Variants in PON2 observed in about 807,000 individuals in gnomAD.
PON2 encodes serum paraoxonase/arylesterase 2.
In PON2, 27 loss-of-function variants were observed where a neutral mutation model predicts 36.6. The observed-to-expected ratio is 0.74, with a 90% CI of 0.54 to 1.02. PON2 has a LOEUF of 1.02. Ranked by LOEUF, PON2 falls within the 50% of genes least tolerant of loss-of-function variation. PON2 has a pLI of 0.00. For synonymous variants in PON2, 149 were observed against 156.3 expected, an observed-to-expected ratio of 0.95 and a Z score of 0.35; for missense variants, 363 against 421.1, an observed-to-expected ratio of 0.86 and a Z score of 1.21.
At chr7:95,421,061 C>T (rs1294448606) in intron 2 of PON2, among the ~76,000 whole-genome samples, 3 of 152,188 alleles carry the variant, frequency 2.0e-5, no homozygotes, top group Non-Finnish European at 2.9e-5. Flanking sequence ...TCATCCTCTC[C>T]GCTCTGTTGC....
Position 95,411,719 on chromosome 7 carries a change from A to C in PON2, c.428T>G (p.Phe143Cys). 6.2e-7 allele frequency: 1 copy of C among 1,613,806 alleles called. No individual in the cohort carries two copies. Among genetic ancestry groups the C allele is most frequent in the Non-Finnish European group, 8.5e-7 (1 of 1,179,768 alleles). The change falls in exon 5 of 9, where the codon TTT becomes TGT. Residue 143 changes from phenylalanine (F) to cysteine (C), a missense_variant. Physicochemically the swap from Phe to Cys is radical, Grantham distance 205. Transcript: ENST00000222572. ...AGAATTTTCTGCTTCTTCAAATTTAAAAATTTCCACTGTATTCTTGAATTC... is the reference window on the plus strand; with the variant it reads ...AGAATTTTCTGCTTCTTCAAATTTACAAATTTCCACTGTATTCTTGAATTC... ...HPEFKNTVEI[F>C]KFEEAENSLL...
chr7:95,433,882 A>G (rs959871119), intron 1 of PON2, among the ~76,000 whole-genome samples: 12 of 152,194 alleles, frequency 7.9e-5, no homozygotes, highest in Middle Eastern at 3.2e-3. Context: ...CTTTAAGCCT[A>G]TGCGGTTCAT....
chr7:95,410,106 A>G lies in PON2; in HGVS notation c.495-5T>C. 1.2e-6 allele frequency: 2 copies of G among 1,611,780 alleles called. No individual in the cohort carries two copies. Among genetic ancestry groups the G allele is most frequent in the Non-Finnish European group, 1.7e-6 (2 of 1,178,204 alleles). Reference sequence around the variant, plus strand: ...ACAGCTGTGATGTCATTCACACTGAAAAAGAAAAATAGCATGTGAGAGGAA... The same window carrying G: ...ACAGCTGTGATGTCATTCACACTGAGAAAGAAAAATAGCATGTGAGAGGAA... On this transcript the variant is annotated splice_polypyrimidine_tract_variant and splice_region_variant and intron_variant, in intron 5 of 8. Coordinates refer to ENST00000222572, the MANE Select transcript of PON2 (RefSeq NM_000305.3).
intron 1 of PON2, among the ~76,000 whole-genome samples, chr7:95,430,663 G>T (rs1789418673): frequency 6.6e-6 from 1 of 152,012 alleles, no homozygotes; most frequent in Non-Finnish European, 1.5e-5. Flanking sequence ...AGGAGGCTGA[G>T]GTGGGAGGAT....
At chr7:95,420,348 A>T (rs2116486168) in intron 2 of PON2, among the ~76,000 whole-genome samples, 1 of 152,338 alleles carries the variant, frequency 6.6e-6, no homozygotes, top group East Asian at 1.9e-4. Context: ...TTAGAAAATC[A>T]GATTTTTTAA....
chr7:95,430,445 C>A (rs1322376393), intron 1 of PON2, among the ~76,000 whole-genome samples: 1 of 151,964 alleles, frequency 6.6e-6, no homozygotes, highest in African/African-American at 2.4e-5. Context: ...GGATTACAGG[C>A]ATGTGCCACC....
intron 5 of PON2, among the ~76,000 whole-genome samples, chr7:95,411,383 C>G (rs1471573752): frequency 6.6e-6 from 1 of 152,110 alleles, no homozygotes; most frequent in African/African-American, 2.4e-5. Context: ...AGAGTATCAC[C>G]CTGTAGTCGG....
In PON2 at chr7:95,434,962, C is replaced by G. The variant is rs755102794; in HGVS notation, c.-11G>C. 69 of 1,523,208 alleles carry G rather than the reference C, an allele frequency of 4.5e-5. No individual in the cohort carries two copies. The highest frequency in any genetic ancestry group is 6.0e-5 in the Non-Finnish European group (68 of 1,140,490). 94.4% of individuals were successfully genotyped at this position (1,523,208 alleles called of 1,614,324 possible). The stretch of plus-strand genomic sequence containing the variant: ...CACCAGCCGCCCCATGGCGCGGGAG[C>G]CGGGCGCGCTGCCTCGCTCCGGCCT... On this transcript the variant is annotated 5_prime_UTR_variant, in exon 1 of 9. Coordinates refer to ENST00000222572, the MANE Select transcript of PON2 (RefSeq NM_000305.3).
chr7:95,406,291 T>C (rs1809691948), intron 7 of PON2, 44 bp from the exon 8 acceptor site: 2 of 1,588,210 alleles, frequency 1.3e-6, no homozygotes, highest in South Asian at 1.1e-5. Context: ...CATGAGAAAC[T>C]TGATTAAATA....
At chr7:95,421,549 G>C (rs1326493722) in intron 2 of PON2, among the ~76,000 whole-genome samples, 1 of 152,188 alleles carries the variant, frequency 6.6e-6, no homozygotes, top group Non-Finnish European at 1.5e-5. Flanking sequence ...AAGCTGCTAA[G>C]TTACTTGGGA....
intron 5 of PON2, among the ~76,000 whole-genome samples, chr7:95,411,430 A>C (rs1386504050): frequency 1.3e-5 from 2 of 152,072 alleles, no homozygotes; most frequent in Non-Finnish European, 2.9e-5. Context: ...CGCATAGAAC[A>C]GTGAATAGTA....
chr7:95,410,157 T>C, intron 5 of PON2, 56 bp from the exon 6 acceptor site: 2 of 1,394,020 alleles, frequency 1.4e-6, no homozygotes, highest in Non-Finnish European at 2.0e-6. Context: ...GTCTCCATAT[T>C]AAATATTAAG....
At chr7:95,426,782 C>A (rs943937160) in intron 1 of PON2, among the ~76,000 whole-genome samples, 3 of 152,186 alleles carry the variant, frequency 2.0e-5, no homozygotes, top group Admixed American at 6.5e-5. Context: ...TGTTTGTACA[C>A]CAAGTTTTAG....
At chr7:95,411,021 A>C (rs1000204044) in intron 5 of PON2, among the ~76,000 whole-genome samples, 1 of 152,180 alleles carries the variant, frequency 6.6e-6, no homozygotes, top group African/African-American at 2.4e-5. Context: ...GAAATTAAAA[A>C]TATTCATCAA....
chr7:95,410,244 TCATATAC>T (rs1316154806), intron 5 of PON2, 143 bp from the exon 6 acceptor site: 2 of 702,364 alleles, frequency 2.8e-6, no homozygotes, highest in African/African-American at 3.6e-5. Flanking sequence ...ACGACTATAG[TCATATAC>T]AATATACTAT....
At chr7:95,413,282 T>A (rs537808330) in intron 3 of PON2, among the ~76,000 whole-genome samples, 16 of 152,148 alleles carry the variant, frequency 1.1e-4, no homozygotes, top group South Asian at 4.1e-4. Flanking sequence ...GCCTGGGCAA[T>A]TGAGCCAGTC....
intron 3 of PON2, 116 bp from the exon 4 acceptor site, chr7:95,412,593 C>T: frequency 9.8e-7 from 1 of 1,022,760 alleles, no homozygotes. Context: ...GGCATAAAGC[C>T]ACAAAAACTC....
At position 95,424,598 on chromosome 7, in the gene PON2, A is replaced by G; in HGVS notation, c.75-13T>C. On this transcript the variant is annotated splice_polypyrimidine_tract_variant and intron_variant, in intron 1 of 8. Transcript: ENST00000222572. Reference sequence around the variant, plus strand: ...TTTAAGTCGATTTCTGTTACAAAGAAAAAAAAACAAAAAACAAAAAACTAT... The same window carrying G: ...TTTAAGTCGATTTCTGTTACAAAGAGAAAAAAACAAAAAACAAAAAACTAT... The G allele has an allele frequency of 1.9e-6, 3 of 1,605,316 alleles. No homozygotes were observed. Among genetic ancestry groups the G allele is most frequent in the Admixed American group, 1.7e-5 (1 of 59,958 alleles).
At chr7:95,407,499 A>G (rs1343962037) in intron 6 of PON2, among the ~76,000 whole-genome samples, 1 of 152,192 alleles carries the variant, frequency 6.6e-6, no homozygotes, top group African/African-American at 2.4e-5. Flanking sequence ...TCAATAAAAT[A>G]TTTATTAATA....
Sources: allele counts gnomAD v4.1 joint callset (sites outside exome capture counted in the v4.1 genomes callset), GRCh38; gene constraint gnomAD v4.1.1; transcripts MANE v1.5; gene names NCBI Gene and HGNC (gene_info 2026-07-23, HGNC 2026-07-21).